The following COBL variants were observed in gnomAD, a reference collection of about 807,000 sequenced individuals.
COBL encodes the protein cordon-bleu WH2 repeat protein.
COBL carries 51 observed loss-of-function variants against 98.8 expected under a neutral mutation model. The ratio of observed to expected loss-of-function variants is 0.52; its 90% CI spans 0.41 to 0.65. COBL has a LOEUF of 0.65. COBL is among the 30% of genes least tolerant of loss of function. The pLI is 0.00. For synonymous variants in COBL, 634 were observed against 651.7 expected (o/e 0.97, Z 0.41); for missense variants, 1,617 against 1,617.5 (o/e 1.00, Z 0.01).
At chr7:51,090,566 G>A (rs1794718139) in intron 6 of COBL, among the ~76,000 whole-genome samples, 1 of 152,174 alleles carries the variant, frequency 6.6e-6, no homozygotes, top group Non-Finnish European at 1.5e-5. Flanking sequence ...TGGGAAACTG[G>A]CACACTTTGA....
intron 6 of COBL, among the ~76,000 whole-genome samples, chr7:51,129,324 G>A (rs1029353714): frequency 1.8e-4 from 28 of 151,776 alleles, no homozygotes; most frequent in African/African-American, 6.5e-4. Context: ...TGGAAGGGGC[G>A]GGGGAGCTCT....
chr7:51,022,622 C>T (rs1787053447), intron 12 of COBL: 1 of 152,230 alleles, frequency 6.6e-6, no homozygotes, highest in Non-Finnish European at 1.5e-5. Flanking sequence ...TCTCAGAAGC[C>T]AAAAGTCCCA....
intron 6 of COBL, among the ~76,000 whole-genome samples, chr7:51,102,351 T>C (rs571097366): frequency 3.7e-4 from 56 of 152,132 alleles, no homozygotes; most frequent in Non-Finnish European, 5.4e-4. Flanking sequence ...CATAATCTCA[T>C]TGTGCCAATT....
intron 12 of COBL, 126 bp from the exon 13 acceptor site, chr7:51,017,694 TC>T (rs1398869003): frequency 6.4e-5 from 61 of 957,684 alleles, no homozygotes; most frequent in Non-Finnish European, 1.2e-5. Context: ...CCTTCCCAGT[TC>T]CTTTGACCTG....
intron 4 of COBL, chr7:51,187,851 G>T (rs1409864733): frequency 8.5e-7 from 1 of 1,181,602 alleles, no homozygotes; most frequent in Non-Finnish European, 1.1e-6. Context: ...GTGCAGCTCT[G>T]ACCCCAGAGC....
intron 5 of COBL, among the ~76,000 whole-genome samples, chr7:51,157,726 T>C (rs1232969153): frequency 6.6e-6 from 1 of 152,250 alleles, no homozygotes; most frequent in Non-Finnish European, 1.5e-5. Context: ...AGTCTATTTA[T>C]TGTACTATAT....
At chr7:51,284,209 G>A (rs1426454806) in intron 1 of COBL, among the ~76,000 whole-genome samples, 6 of 151,292 alleles carry the variant, frequency 4.0e-5, no homozygotes, top group African/African-American at 1.5e-4. Flanking sequence ...GCTGAGGCAG[G>A]AGAATGGTGT....
chr7:51,294,014 G>A (rs931018969), intron 1 of COBL, among the ~76,000 whole-genome samples: 2 of 152,180 alleles, frequency 1.3e-5, no homozygotes, highest in Middle Eastern at 3.2e-3. Flanking sequence ...CCTTAGGCTG[G>A]GCGAGGTGGC....
At chr7:51,191,157 T>C in intron 3 of COBL, 79 bp from the exon 4 acceptor site, 1 of 1,285,596 alleles carries the variant, frequency 7.8e-7, no homozygotes, top group Non-Finnish European at 1.1e-6. Flanking sequence ...ATTTGACAAT[T>C]GGGTGTGGCA....
At chr7:51,265,163 G>C (rs1049479521) in intron 1 of COBL, among the ~76,000 whole-genome samples, 1 of 152,216 alleles carries the variant, frequency 6.6e-6, no homozygotes, top group Admixed American at 6.5e-5. Context: ...TTCTGTGTGT[G>C]TTCCCAGTCC....
chr7:51,268,870 T>C (rs1365677907), intron 1 of COBL, among the ~76,000 whole-genome samples: 2 of 145,896 alleles, frequency 1.4e-5, no homozygotes, highest in Non-Finnish European at 3.0e-5. Context: ...GTGGAGGTTG[T>C]GGTGAGCCAA....
In COBL at chr7:51,287,099, C is replaced by T. The variant is rs1033908363; in HGVS notation, c.41+29494G>A. ...CAAAGATGGGAACAACAGACACTGG[C>T]GATGTTGGAGGTGGGGAGGAAAGGA... On this transcript the variant is annotated intron_variant, in intron 1 of 12. Coordinates refer to ENST00000265136, the MANE Select transcript of COBL (RefSeq NM_015198.5). Among the ~76,000 whole-genome samples, 5 of 151,996 alleles carry T rather than the reference C, an allele frequency of 3.3e-5. No homozygotes were observed. The East Asian group carries it at 5.8e-4, about 18-fold the overall frequency.
chr7:51,215,250 T>G (rs969834277), intron 2 of COBL, among the ~76,000 whole-genome samples: 18 of 152,230 alleles, frequency 1.2e-4, no homozygotes, highest in Non-Finnish European at 2.9e-5. Context: ...AAGCAGTTCA[T>G]AGTTTATAGC....
chr7:51,179,205 TAAG>T (rs1256492285), intron 5 of COBL, among the ~76,000 whole-genome samples: 2 of 152,182 alleles, frequency 1.3e-5, no homozygotes, highest in African/African-American at 4.8e-5. Context: ...CATTGTTAAA[TAAG>T]AGTGTTTAAC....
chr7:51,187,618 T>C (rs1440849131), intron 4 of COBL, among the ~76,000 whole-genome samples: 4 of 152,198 alleles, frequency 2.6e-5, no homozygotes, highest in Non-Finnish European at 5.9e-5. Context: ...ACTTCTGATC[T>C]GCCCTGAATT....
At chr7:51,306,968 A>G (rs1802533123) in intron 1 of COBL, among the ~76,000 whole-genome samples, 1 of 152,200 alleles carries the variant, frequency 6.6e-6, no homozygotes, top group South Asian at 2.1e-4. Flanking sequence ...CCGTGCTTCA[A>G]TGTGGCCTAG....
chr7:51,027,801 C>A lies in COBL; in HGVS notation c.3295G>T (p.Val1099Phe). Residue 1099 changes from valine to phenylalanine, a missense_variant, in exon 10 of 13, where the codon GTC (valine) becomes TTC (phenylalanine). Transcript: ENST00000265136. ...GTGTCTTTTGGGACTGGTCTCTGGA[C>A]AACAGGTTTGAATTTTTTCTTCGGC... Reference protein sequence around the residue: ...FGPKKKFKPVVQRPVPKDTSL... With the variant: ...FGPKKKFKPVFQRPVPKDTSL... 1 of 1,614,196 alleles carries A rather than the reference C, an allele frequency of 6.2e-7. No individual in the cohort carries two copies. The highest frequency in any genetic ancestry group is 2.2e-5 in the East Asian group (1 of 44,860).
chr7:51,232,116 G>A lies in COBL; in HGVS notation c.42-12172C>T, dbSNP rs571138343. ...GATGCAGAGCTGAGTGCTATGGGCTGCCAAAACACCATCCCAGATAGAGAA... is the reference window on the plus strand; with the variant it reads ...GATGCAGAGCTGAGTGCTATGGGCTACCAAAACACCATCCCAGATAGAGAA... On this transcript the variant is annotated intron_variant, in intron 1 of 12. Coordinates refer to ENST00000265136, the MANE Select transcript of COBL (RefSeq NM_015198.5). Among the ~76,000 whole-genome samples, 48 of 152,284 alleles carry A rather than the reference G, an allele frequency of 3.2e-4. No individual in the cohort carries two copies. In the South Asian group the frequency reaches 9.6e-3, roughly 30 times the overall value.
chr7:51,219,919 G>A lies in COBL; in HGVS notation c.67C>T (p.Pro23Ser). 1 of 1,611,404 alleles carries A rather than the reference G, an allele frequency of 6.2e-7. No individual in the cohort carries two copies. Among genetic ancestry groups the A allele is most frequent in the Non-Finnish European group, 8.5e-7 (1 of 1,179,848 alleles). ...TGRKMKARAP[P>S]PPGKAATLHV... ...AGAGTGGCAGCCTTTCCAGGAGGTG[G>A]GGGAGCACGAGCCTTCATCTTCCTC... The change falls in exon 2 of 13, where the codon CCA becomes TCA. Residue 23 changes from proline to serine, a missense_variant. By Grantham distance (74) the Pro-to-Ser change is moderately conservative (BLOSUM62 -1). Transcript: ENST00000265136.
Sources: gnomAD v4.1 joint callset for allele counts (sites outside exome capture counted in the v4.1 genomes callset) on GRCh38, gnomAD v4.1.1 for gene constraint, MANE v1.5 for transcripts, NCBI Gene and HGNC (gene_info 2026-07-23, HGNC 2026-07-21) for gene names.